The following CDH12 variants were observed in gnomAD, a reference collection of about 807,000 sequenced individuals.
CDH12 encodes cadherin 12, also known as cadherin-12.
In CDH12, 41 loss-of-function variants were observed where a neutral mutation model predicts 74.1. That is an observed-to-expected ratio of 0.55 (90% CI 0.43 to 0.72). The LOEUF is 0.72. Among genes scored for constraint, CDH12 ranks in the 30% least tolerant of loss-of-function variants. CDH12 has a pLI of 0.00. For synonymous variants in CDH12, 399 were observed against 355.0 expected (o/e 1.12, Z -1.39); for missense variants, 945 against 977.2 (o/e 0.97, Z 0.44).
chr5:22,387,649 C>T (rs1196549835), intron 3 of CDH12, among the ~76,000 whole-genome samples: 1 of 152,082 alleles, frequency 6.6e-6, no homozygotes, highest in African/African-American at 2.4e-5. Flanking sequence ...CAGAATAGCA[C>T]TGGATTTAAG....
rs10685463 is a variant in CDH12, at chr5:22,489,056, C to CTT, written c.-428+16212_-428+16213dup. Among the ~76,000 whole-genome samples, 103 of 37,322 alleles carry CTT rather than the reference C, an allele frequency of 2.8e-3. 35 individuals are homozygous for CTT. Among genetic ancestry groups the CTT allele is most frequent in the African/African-American group, 6.7e-3 (61 of 9,084 alleles). The allele number at this position is 37,322 out of a possible 152,430, so 24.5% of individuals were successfully genotyped here. Reference sequence around the variant, plus strand: ...AGTAATTGCAGTTTTTTGGTACCACCTTTTTTTTTTTTTTTTTTTGAGACA... The same window carrying CTT: ...AGTAATTGCAGTTTTTTGGTACCACCTTTTTTTTTTTTTTTTTTTTTGAGACA... On this transcript the variant is annotated intron_variant, in intron 2 of 14. Coordinates refer to ENST00000382254, the MANE Select transcript of CDH12 (RefSeq NM_004061.5).
intron 1 of CDH12, among the ~76,000 whole-genome samples, chr5:22,760,878 C>A (rs1746190994): frequency 1.3e-5 from 2 of 152,068 alleles, no homozygotes; most frequent in Non-Finnish European, 2.9e-5. Context: ...GTCTGCAACA[C>A]AAATATCCAG....
rs189060619 is a variant in CDH12, at chr5:22,398,827, A to G, written c.-333+6430T>C. 5.0e-4 allele frequency among the ~76,000 whole-genome samples: 76 copies of G among 152,238 alleles called. 2 individuals carry two copies. Among genetic ancestry groups the G allele is most frequent in the Admixed American group, 4.9e-3 (75 of 15,266 alleles). On this transcript the variant is annotated intron_variant, in intron 3 of 14. Transcript: ENST00000382254. ...CCAAAATAAAAGATAAGCACCTTTT[A>G]TAAGTCCAGAAGCATAGATGGTTGG...
intron 9 of CDH12, among the ~76,000 whole-genome samples, chr5:21,806,423 T>C (rs1747429736): frequency 6.6e-6 from 1 of 152,154 alleles, no homozygotes; most frequent in South Asian, 2.1e-4. Flanking sequence ...TTCATTTACA[T>C]AACAAGTGGC....
At chr5:21,885,992 C>T (rs966915496) in intron 6 of CDH12, among the ~76,000 whole-genome samples, 1 of 152,074 alleles carries the variant, frequency 6.6e-6, no homozygotes, top group Non-Finnish European at 1.5e-5. Context: ...TGTATGTGAA[C>T]TTCCTTGAAT....
chr5:22,257,582 C>T (rs1753364500), intron 3 of CDH12, among the ~76,000 whole-genome samples: 1 of 151,950 alleles, frequency 6.6e-6, no homozygotes, highest in Non-Finnish European at 1.5e-5. Flanking sequence ...TTACTGCAAC[C>T]TCTGCCTCCT....
intron 1 of CDH12, among the ~76,000 whole-genome samples, chr5:22,817,653 AT>A (rs1208571404): frequency 7.2e-5 from 11 of 152,138 alleles, no homozygotes; most frequent in African/African-American, 2.7e-4. Context: ...TGACTTTTAA[AT>A]TTGTTCATTG....
At chr5:22,658,376 A>G (rs574125714) in intron 1 of CDH12, among the ~76,000 whole-genome samples, 1 of 152,270 alleles carries the variant, frequency 6.6e-6, no homozygotes, top group African/African-American at 2.4e-5. Flanking sequence ...CATTCTGCAT[A>G]CATAATTTTA....
chr5:22,562,712 T>C (rs1025756341), intron 1 of CDH12, among the ~76,000 whole-genome samples: 1 of 151,516 alleles, frequency 6.6e-6, no homozygotes, highest in African/African-American at 2.4e-5. Flanking sequence ...GAATATCTAA[T>C]GAAAGAATAC....
chr5:22,807,965 AAAAT>A (rs1253181112), intron 1 of CDH12, among the ~76,000 whole-genome samples: 1 of 152,226 alleles, frequency 6.6e-6, no homozygotes, highest in Non-Finnish European at 1.5e-5. Context: ...AAATGTATAA[AAAAT>A]AAAGTAATTG....
rs780014671 is a variant in CDH12 at position 21,751,704 on chromosome 5, C to T, written c.*33G>A. On this transcript the variant is annotated 3_prime_UTR_variant, in exon 15 of 15. Coordinates refer to ENST00000382254, the MANE Select transcript of CDH12 (RefSeq NM_004061.5). ...TTCTTTTTCTTTTTTAAAAATCTCC[C>T]CTCTCGGTTGTATTTTAGCCTCCAC... is the stretch of plus-strand genomic sequence containing the variant. 9.7e-6 allele frequency: 15 copies of T among 1,551,178 alleles called. No individual in the cohort carries two copies. The highest frequency in any genetic ancestry group is 2.1e-5 in the Admixed American group (1 of 48,212).
chr5:22,017,889 A>G (rs1737703710), intron 5 of CDH12, among the ~76,000 whole-genome samples: 1 of 151,732 alleles, frequency 6.6e-6, no homozygotes, highest in South Asian at 2.1e-4. Flanking sequence ...CCTCCCGAGT[A>G]GCTGGGATTA....
intron 3 of CDH12, among the ~76,000 whole-genome samples, chr5:22,358,990 G>C (rs1338626404): frequency 6.6e-6 from 1 of 152,140 alleles, no homozygotes; most frequent in Non-Finnish European, 1.5e-5. Context: ...AAAGTGTAAA[G>C]ACCATCAATG....
intron 1 of CDH12, among the ~76,000 whole-genome samples, chr5:22,710,920 A>ATAACTTTTTGCTTG (rs1743253701): frequency 1.3e-5 from 2 of 152,124 alleles, no homozygotes; most frequent in African/African-American, 4.8e-5. Flanking sequence ...TATTGGCACA[A>ATAACTTTTTGCTTG]TTATTTGTAT....
At chr5:22,109,136 G>C (rs981214257) in intron 4 of CDH12, among the ~76,000 whole-genome samples, 9 of 152,106 alleles carry the variant, frequency 5.9e-5, no homozygotes, top group Admixed American at 4.6e-4. Flanking sequence ...TTGGAATTTG[G>C]GGGAGACAAT....
chr5:22,847,726 T>C (rs1378528628), intron 1 of CDH12, among the ~76,000 whole-genome samples: 1 of 152,208 alleles, frequency 6.6e-6, no homozygotes, highest in East Asian at 1.9e-4. Context: ...AAAAATAGTA[T>C]ATCACTGGCA....
chr5:21,886,845 G>A (rs1159311940), intron 6 of CDH12, among the ~76,000 whole-genome samples: 1 of 151,786 alleles, frequency 6.6e-6, no homozygotes, highest in Non-Finnish European at 1.5e-5. Context: ...GTTTTATAAT[G>A]TAGTTTTCCT....
intron 11 of CDH12, among the ~76,000 whole-genome samples, chr5:21,782,352 A>C (rs753954783): frequency 6.6e-6 from 1 of 152,212 alleles, no homozygotes; most frequent in African/African-American, 2.4e-5. Flanking sequence ...GATCAGCTAA[A>C]GATATCACGA....
chr5:22,256,171 G>T (rs550513277), intron 3 of CDH12, among the ~76,000 whole-genome samples: 1 of 152,100 alleles, frequency 6.6e-6, no homozygotes, highest in Non-Finnish European at 1.5e-5. Flanking sequence ...TATTCAACAT[G>T]ACTTTATTGT....
Sources: allele counts gnomAD v4.1 joint callset (sites outside exome capture counted in the v4.1 genomes callset), GRCh38; gene constraint gnomAD v4.1.1; transcripts MANE v1.5; gene names NCBI Gene and HGNC (gene_info 2026-07-23, HGNC 2026-07-21).